The following THSD4 variants were observed in gnomAD, a reference collection of about 807,000 sequenced individuals.
THSD4 encodes thrombospondin type-1 domain-containing protein 4.
THSD4 carries 69 observed loss-of-function variants against 119.0 expected under a neutral mutation model. The observed-to-expected ratio is 0.58, with a 90% confidence interval of 0.48 to 0.71. The LOEUF is 0.71. THSD4 is among the 30% of genes least tolerant of loss of function. The pLI is 0.00. For synonymous variants in THSD4, 524 were observed against 540.4 expected (o/e 0.97, Z 0.42); for missense variants, 1,393 against 1,391.1 (o/e 1.00, Z -0.02).
chr15:71,275,715 T>C (rs2044581468), intron 6 of THSD4, among the ~76,000 whole-genome samples: 1 of 152,180 alleles, frequency 6.6e-6, no homozygotes, highest in South Asian at 2.1e-4. Flanking sequence ...GTGGGGATAA[T>C]TGAATCATGG....
At chr15:71,265,862 C>G (rs906683289) in intron 6 of THSD4, among the ~76,000 whole-genome samples, 1 of 152,174 alleles carries the variant, frequency 6.6e-6, no homozygotes, top group African/African-American at 2.4e-5. Context: ...CTCGGCAGAG[C>G]CCACCGCAGC....
At chr15:71,461,176 AT>A (rs986987938) in intron 7 of THSD4, among the ~76,000 whole-genome samples, 1 of 152,128 alleles carries the variant, frequency 6.6e-6, no homozygotes, top group African/African-American at 2.4e-5. Context: ...GGGCTGGAAG[AT>A]TTGTTTGCAA....
chr15:71,604,376 A>G (rs1329471514), intron 7 of THSD4, among the ~76,000 whole-genome samples: 2 of 152,166 alleles, frequency 1.3e-5, no homozygotes, highest in Non-Finnish European at 2.9e-5. Flanking sequence ...CTTTTATTCT[A>G]TTTATTGTCA....
chr15:71,772,147 A>G (rs1332219110), intron 17 of THSD4, among the ~76,000 whole-genome samples: 1 of 152,242 alleles, frequency 6.6e-6, no homozygotes, highest in Non-Finnish European at 1.5e-5. Flanking sequence ...CTGTCTTCAC[A>G]ATAACATCAA....
At chr15:71,277,104 A>G (rs1186681040) in intron 6 of THSD4, among the ~76,000 whole-genome samples, 1 of 130,024 alleles carries the variant, frequency 7.7e-6, no homozygotes, top group African/African-American at 3.1e-5. Flanking sequence ...ACTGGCAACT[A>G]TTTGTATTTG....
intron 7 of THSD4, among the ~76,000 whole-genome samples, chr15:71,639,405 G>A (rs2050811460): frequency 6.6e-6 from 1 of 152,136 alleles, no homozygotes. Context: ...TTGCAATACA[G>A]GACCAAAATG....
At chr15:71,481,673 C>T (rs1312716371) in intron 7 of THSD4, among the ~76,000 whole-genome samples, 6 of 69,034 alleles carry the variant, frequency 8.7e-5, no homozygotes, top group Admixed American at 3.8e-4. Flanking sequence ...CCTGTAATTA[C>T]CTAAAAAGAA....
chr15:71,142,234 G>A (rs554847826), intron 2 of THSD4, among the ~76,000 whole-genome samples: 90 of 151,876 alleles, frequency 5.9e-4, no homozygotes, highest in African/African-American at 2.0e-3. Flanking sequence ...TCAACCATGC[G>A]TGGCAAGTTG....
chr15:71,406,642 T>TGG (rs1164780177), intron 6 of THSD4, among the ~76,000 whole-genome samples: 1 of 134,806 alleles, frequency 7.4e-6, no homozygotes, highest in African/African-American at 2.8e-5. Context: ...CAGGTTTGTT[T>TGG]GGTGTGTGTG....
At chr15:71,757,359 C>T (rs2053556809) in intron 14 of THSD4, among the ~76,000 whole-genome samples, 1 of 152,032 alleles carries the variant, frequency 6.6e-6, no homozygotes, top group South Asian at 2.1e-4. Context: ...CCAGACTTGG[C>T]TACTAGCAGG....
intron 4 of THSD4, among the ~76,000 whole-genome samples, chr15:71,233,601 C>G (rs1446281189): frequency 6.6e-6 from 1 of 152,130 alleles, no homozygotes; most frequent in African/African-American, 2.4e-5. Flanking sequence ...TACACAGCTG[C>G]CTCATTCTTT....
chr15:71,719,928 G>A (rs574496226), intron 8 of THSD4, among the ~76,000 whole-genome samples: 4 of 152,026 alleles, frequency 2.6e-5, no homozygotes, highest in South Asian at 4.2e-4. Flanking sequence ...TGCCTGCCTC[G>A]GCCTCGCAAA....
intron 8 of THSD4, among the ~76,000 whole-genome samples, chr15:71,726,948 A>C (rs1051450899): frequency 1.3e-5 from 2 of 152,070 alleles, no homozygotes; most frequent in African/African-American, 4.8e-5. Context: ...AAAAAAAAAA[A>C]AAAGGTACCT....
intron 16 of THSD4, 139 bp downstream of exon 16, chr15:71,765,338 T>G: frequency 9.5e-7 from 1 of 1,050,260 alleles, no homozygotes; most frequent in Non-Finnish European, 1.3e-6. Context: ...TGGTAGCTGC[T>G]GGAGTACCCC....
chr15:71,414,481 A>G (rs1596415674), intron 7 of THSD4, among the ~76,000 whole-genome samples: 2 of 152,320 alleles, frequency 1.3e-5, no homozygotes, highest in Non-Finnish European at 2.9e-5. Context: ...TCCATGTGAT[A>G]TTGATGCTGC....
chr15:71,124,573 A>C (rs1369752874), intron 1 of THSD4, among the ~76,000 whole-genome samples: 1 of 152,226 alleles, frequency 6.6e-6, no homozygotes, highest in Non-Finnish European at 1.5e-5. Flanking sequence ...TTCTGTCAAA[A>C]GATTGGGGTA....
chr15:71,588,982 T>C (rs1374538799), intron 7 of THSD4, among the ~76,000 whole-genome samples: 1 of 152,134 alleles, frequency 6.6e-6, no homozygotes, highest in East Asian at 1.9e-4. Context: ...TGGGAAGCCT[T>C]GTGAGAGAGA....
At chr15:71,180,213 C>T (rs897086254) in intron 3 of THSD4, among the ~76,000 whole-genome samples, 2 of 148,466 alleles carry the variant, frequency 1.3e-5, no homozygotes, top group Non-Finnish European at 3.0e-5. Context: ...TAAAGGCAAC[C>T]CACAGAACGG....
chr15:71,721,305 G>A (rs1447600122), intron 8 of THSD4, among the ~76,000 whole-genome samples: 1 of 152,086 alleles, frequency 6.6e-6, no homozygotes, highest in Non-Finnish European at 1.5e-5. Context: ...TCAAGAGATC[G>A]AGACCATCCT....
Sources: gnomAD v4.1 joint callset for allele counts (sites outside exome capture counted in the v4.1 genomes callset) on GRCh38, gnomAD v4.1.1 for gene constraint, MANE v1.5 for transcripts, NCBI Gene and HGNC (gene_info 2026-07-23, HGNC 2026-07-21) for gene names.